ONECUT2: variants seen among roughly 807,000 people sequenced by gnomAD.
ONECUT2 encodes one cut domain family member 2.
Under a neutral mutation model 27.9 loss-of-function variants are expected in ONECUT2, and 10 were observed. The ratio of observed to expected loss-of-function variants is 0.36; its 90% CI spans 0.22 to 0.61. The LOEUF is 0.61. Ranked by LOEUF, ONECUT2 falls within the 20% of genes least tolerant of loss-of-function variation. ONECUT2 has a pLI of 0.73. For missense variants in ONECUT2, 686 were observed against 721.0 expected, an observed-to-expected ratio of 0.95 and a Z score of 0.56; for synonymous variants, 334 against 315.1, an observed-to-expected ratio of 1.06 and a Z score of -0.64.
At chr18:57,449,765 A>G (rs2050219991) in intron 1 of ONECUT2, among the ~76,000 whole-genome samples, 1 of 152,142 alleles carries the variant, frequency 6.6e-6, no homozygotes, top group African/African-American at 2.4e-5. Context: ...TCCTTATCTC[A>G]TCAGTCCTTC....
At chr18:57,440,907 G>C (rs956676072) in intron 1 of ONECUT2, among the ~76,000 whole-genome samples, 1 of 152,236 alleles carries the variant, frequency 6.6e-6, no homozygotes, top group African/African-American at 2.4e-5. Context: ...ACCCGTGCCA[G>C]TACGGAACAG....
Position 57,456,371 on chromosome 18 carries a change from A to G in ONECUT2, c.1228+19427A>G, listed in dbSNP as rs117017784. 3.3e-4 allele frequency among the ~76,000 whole-genome samples: 50 copies of G among 152,358 alleles called. 1 individual carries two copies. The East Asian group carries it at 8.3e-3, about 25-fold the overall frequency. ...CAAGAGGTGAATGGATAAACAAAATATGGAGTTTTCATACAGTGGAATATT... is the reference window on the plus strand; with the variant it reads ...CAAGAGGTGAATGGATAAACAAAATGTGGAGTTTTCATACAGTGGAATATT... On this transcript the variant is annotated intron_variant, in intron 1 of 1. Coordinates refer to ENST00000491143, the MANE Select transcript of ONECUT2 (RefSeq NM_004852.3).
At chr18:57,474,385 A>G (rs747278528) in intron 1 of ONECUT2, among the ~76,000 whole-genome samples, 1 of 152,192 alleles carries the variant, frequency 6.6e-6, no homozygotes, top group Non-Finnish European at 1.5e-5. Flanking sequence ...GGCTCCAGTA[A>G]CAACCACAAC....
chr18:57,485,989 G>A lies in ONECUT2; in HGVS notation c.*9266G>A, dbSNP rs1053466212. 2 of 152,564 alleles carry A rather than the reference G, an allele frequency of 1.3e-5. No homozygotes were observed. Among genetic ancestry groups the A allele is most frequent in the African/African-American group, 4.8e-5 (2 of 41,442 alleles). 9.5% of individuals were successfully genotyped at this position (152,564 alleles called of 1,614,324 possible). ...GAACTCTCAGAATCCCTGGGAGACA[G>A]AGCAAAGATGACTTAATTCATTGAG... On this transcript the variant is annotated 3_prime_UTR_variant, in exon 2 of 2. Coordinates refer to ENST00000491143, the MANE Select transcript of ONECUT2 (RefSeq NM_004852.3).
chr18:57,447,220 G>T (rs567506042), intron 1 of ONECUT2, among the ~76,000 whole-genome samples: 2 of 152,370 alleles, frequency 1.3e-5, no homozygotes, highest in East Asian at 3.9e-4. Flanking sequence ...CCCCTGCCTG[G>T]AGCCCCTGGT....
chr18:57,449,430 A>G (rs2050217902), intron 1 of ONECUT2, among the ~76,000 whole-genome samples: 1 of 152,250 alleles, frequency 6.6e-6, no homozygotes, highest in Non-Finnish European at 1.5e-5. Flanking sequence ...GCCCCAGCAC[A>G]TCATTTAGGA....
At chr18:57,443,341 T>G (rs2050186014) in intron 1 of ONECUT2, among the ~76,000 whole-genome samples, 1 of 152,228 alleles carries the variant, frequency 6.6e-6, no homozygotes, top group African/African-American at 2.4e-5. Flanking sequence ...CCCTGGGCTG[T>G]GCTGACTTCT....
In ONECUT2 at chr18:57,481,217, T is replaced by A. The variant is rs1039061989; in HGVS notation, c.*4494T>A. ...AAACTCAGCACCAATATTTAAAAGC[T>A]TTTCCAAAATGTAAAAGAAGTGTTT... is the stretch of plus-strand genomic sequence containing the variant. On this transcript the variant is annotated 3_prime_UTR_variant, in exon 2 of 2. Transcript: ENST00000491143. 6.6e-5 allele frequency: 10 copies of A among 152,262 alleles called. No individual in the cohort carries two copies. The highest frequency in any genetic ancestry group is 1.2e-4 in the African/African-American group (5 of 41,538). 9.4% of individuals were successfully genotyped at this position (152,262 alleles called of 1,614,324 possible).
rs940429802 is a variant in ONECUT2, at chr18:57,484,319, A to G, written c.*7596A>G. The G allele has an allele frequency of 2.6e-5, 4 of 152,616 alleles. No individual in the cohort carries two copies. The highest frequency in any genetic ancestry group is 9.6e-5 in the African/African-American group (4 of 41,456). The allele number at this position is 152,616 out of a possible 1,614,324, so 9.5% of individuals were successfully genotyped here. A position where few individuals can be genotyped will look rare whatever the true frequency, so the allele number is the denominator to read the frequency against. ...GTTGATGACACCAAAGATACCAAAG[A>G]TTTCTTTCTCTGTGCGGTCTGCATT... On this transcript the variant is annotated 3_prime_UTR_variant, in exon 2 of 2. Transcript: ENST00000491143.
In ONECUT2 at chr18:57,490,616, G is replaced by A. The variant is rs2050461016; in HGVS notation, c.*13893G>A. ...GCTCAAAGACCGTACTCTGCCACCT[G>A]CCTTCCAGGTAGCTATTCTAGAAAC... On this transcript the variant is annotated 3_prime_UTR_variant, in exon 2 of 2. Coordinates refer to ENST00000491143, the MANE Select transcript of ONECUT2 (RefSeq NM_004852.3). The A allele has an allele frequency of 6.6e-6, 1 of 152,116 alleles. No individual in the cohort carries two copies. Among genetic ancestry groups the A allele is most frequent in the Non-Finnish European group, 1.5e-5 (1 of 68,028 alleles). 9.4% of individuals were successfully genotyped at this position (152,116 alleles called of 1,614,324 possible).
At chr18:57,462,246 C>T (rs949514646) in intron 1 of ONECUT2, among the ~76,000 whole-genome samples, 8 of 152,146 alleles carry the variant, frequency 5.3e-5, no homozygotes, top group African/African-American at 1.9e-4. Flanking sequence ...GCCTGTTTTT[C>T]TATTGGAATG....
chr18:57,454,004 A>G (rs2050245298), intron 1 of ONECUT2, among the ~76,000 whole-genome samples: 2 of 152,164 alleles, frequency 1.3e-5, no homozygotes, highest in South Asian at 4.1e-4. Context: ...TTCGAGCTGT[A>G]ATTGAAGAAT....
Position 57,436,916 on chromosome 18 carries a change from C to G in ONECUT2, c.1200C>G (p.Phe400Leu), listed in dbSNP as rs759699369. The change falls in exon 1 of 2, where the codon TTC (phenylalanine) becomes TTG (leucine). Residue 400 changes from phenylalanine to leucine, a missense_variant. Coordinates refer to ENST00000491143, the MANE Select transcript of ONECUT2 (RefSeq NM_004852.3). This position sits in a 1 kb window ranked among gnomAD's most constrained non-coding sequence, Gnocchi z 5.9. ...RMWKWLQEPE[F>L]QRMSALRLAA... Reference sequence around the variant, plus strand: ...GGAAGTGGCTTCAGGAGCCCGAGTTCCAGCGCATGTCCGCCTTACGCCTGG... The same window carrying G: ...GGAAGTGGCTTCAGGAGCCCGAGTTGCAGCGCATGTCCGCCTTACGCCTGG... 1 of 1,609,886 alleles carries G rather than the reference C, an allele frequency of 6.2e-7. No individual in the cohort carries two copies. Among genetic ancestry groups the G allele is most frequent in the South Asian group, 1.1e-5 (1 of 90,458 alleles).
At chr18:57,438,455 C>T (rs1407880711) in intron 1 of ONECUT2, among the ~76,000 whole-genome samples, 1 of 152,232 alleles carries the variant, frequency 6.6e-6, no homozygotes, top group Admixed American at 6.5e-5. Flanking sequence ...CTCAGGTTTC[C>T]ACCCCCGATC....
chr18:57,462,542 C>T (rs2050297589), intron 1 of ONECUT2, among the ~76,000 whole-genome samples: 1 of 151,996 alleles, frequency 6.6e-6, no homozygotes, highest in South Asian at 2.1e-4. Context: ...GCATGCACCA[C>T]CACGCTGGCT....
chr18:57,436,019 G>A lies in ONECUT2; in HGVS notation c.303G>A (p.Ala101=), dbSNP rs749003543. The A allele has an allele frequency of 2.6e-6, 4 of 1,532,646 alleles. No individual in the cohort carries two copies. The highest frequency in any genetic ancestry group is 2.4e-5 in the East Asian group (1 of 41,096). 94.9% of individuals were successfully genotyped at this position (1,532,646 alleles called of 1,614,324 possible). The part of the protein sequence containing the change: ...LGTAAAAAAA[A]SRSAMVTSMA... ...CGGCGGCAGCGGCGGCAGCGGCGGC[G>A]TCGCGCTCGGCCATGGTCACCAGCA... The change falls in exon 1 of 2, where the codon GCG becomes GCA. Residue 101 remains alanine (A), a synonymous_variant. Transcript: ENST00000491143. The surrounding 1 kb of genome is among the most constrained non-coding windows in gnomAD (Gnocchi z 5.9).
intron 1 of ONECUT2, among the ~76,000 whole-genome samples, chr18:57,438,858 G>C (rs1452485563): frequency 6.6e-6 from 1 of 152,188 alleles, no homozygotes; most frequent in East Asian, 1.9e-4. Flanking sequence ...AATAATAGCG[G>C]CGGGAAATGA....
chr18:57,439,132 A>G (rs936384376), intron 1 of ONECUT2, among the ~76,000 whole-genome samples: 4 of 152,250 alleles, frequency 2.6e-5, no homozygotes, highest in African/African-American at 9.6e-5. Context: ...TAGGTCTGAA[A>G]GTGATGAGGA....
rs1220657458 is a variant in ONECUT2 at position 57,486,377 on chromosome 18, C to T, written c.*9654C>T. The T allele has an allele frequency of 6.6e-6, 1 of 152,578 alleles. No homozygotes were observed. Among genetic ancestry groups the T allele is most frequent in the East Asian group, 1.9e-4 (1 of 5,194 alleles). The allele number at this position is 152,578 out of a possible 1,614,324, so 9.5% of individuals were successfully genotyped here. On this transcript the variant is annotated 3_prime_UTR_variant, in exon 2 of 2. Transcript: ENST00000491143. Reference sequence around the variant, plus strand: ...GCAAAGAACAAGATTTGTACTAATACCAAAGGTTCTTTCTCTATGTCTCCT... The same window carrying T: ...GCAAAGAACAAGATTTGTACTAATATCAAAGGTTCTTTCTCTATGTCTCCT...
Sources: allele counts gnomAD v4.1 joint callset (sites outside exome capture counted in the v4.1 genomes callset), GRCh38; gene constraint gnomAD v4.1.1; non-coding constraint Gnocchi (gnomAD v3.1); transcripts MANE v1.5; gene names NCBI Gene and HGNC (gene_info 2026-07-23, HGNC 2026-07-21).